The following PTPN9 variants were observed in gnomAD, a reference collection of about 807,000 sequenced individuals.
PTPN9 encodes the protein tyrosine-protein phosphatase non-receptor type 9.
A neutral mutation model predicts 69.8 loss-of-function variants in PTPN9; 26 were observed. The ratio of observed to expected loss-of-function variants is 0.37; its 90% confidence interval spans 0.27 to 0.52. PTPN9 has a LOEUF of 0.52. PTPN9 is among the 20% of genes least tolerant of loss of function. PTPN9 has a pLI of 0.91. For missense variants in PTPN9, 549 were observed against 740.3 expected (o/e 0.74, Z 3.00); for synonymous variants, 274 against 272.5 (o/e 1.01, Z -0.05).
chr15:75,521,995 T>C (rs1274201527), intron 4 of PTPN9, among the ~76,000 whole-genome samples: 2 of 152,138 alleles, frequency 1.3e-5, no homozygotes, highest in Non-Finnish European at 2.9e-5. Context: ...CATGAATCAA[T>C]GCGCCTGGCC....
At chr15:75,489,032 G>A (rs757001003) in intron 8 of PTPN9, among the ~76,000 whole-genome samples, 7 of 151,682 alleles carry the variant, frequency 4.6e-5, no homozygotes, top group African/African-American at 9.7e-5. Flanking sequence ...AATATTAGCC[G>A]GGCGTGGTGG....
At chr15:75,473,105 T>A (rs2074577211) in intron 10 of PTPN9, among the ~76,000 whole-genome samples, 1 of 152,182 alleles carries the variant, frequency 6.6e-6, no homozygotes, top group Admixed American at 6.5e-5. Context: ...GGCCAGGACC[T>A]CAAAATAGGG....
intron 1 of PTPN9, among the ~76,000 whole-genome samples, chr15:75,528,034 G>A (rs554115910): frequency 2.0e-5 from 3 of 152,166 alleles, no homozygotes; most frequent in Non-Finnish European, 2.9e-5. Context: ...TTTGAGGCCA[G>A]TAAAATTATT....
intron 1 of PTPN9, among the ~76,000 whole-genome samples, chr15:75,556,459 C>T (rs894650037): frequency 6.6e-6 from 1 of 151,952 alleles, no homozygotes; most frequent in Non-Finnish European, 1.5e-5. Context: ...CTCACTGCAA[C>T]CTCCGCCTCC....
intron 7 of PTPN9, among the ~76,000 whole-genome samples, chr15:75,493,727 C>T (rs1282288342): frequency 1.3e-5 from 2 of 151,734 alleles, no homozygotes; most frequent in African/African-American, 2.4e-5. Context: ...CGCCACTGTA[C>T]TCCAGCCTGG....
chr15:75,574,412 G>C (rs2141347178), intron 1 of PTPN9, among the ~76,000 whole-genome samples: 1 of 152,284 alleles, frequency 6.6e-6, no homozygotes, highest in South Asian at 2.1e-4. Flanking sequence ...CTGGATTCTG[G>C]AATATGGATG....
chr15:75,564,456 C>T (rs1040121172), intron 1 of PTPN9, among the ~76,000 whole-genome samples: 8 of 151,656 alleles, frequency 5.3e-5, no homozygotes, highest in African/African-American at 1.5e-4. Flanking sequence ...ATTAGCCAGG[C>T]GTGGTAGCGG....
intron 7 of PTPN9, among the ~76,000 whole-genome samples, chr15:75,499,708 C>G (rs1195153804): frequency 1.3e-5 from 2 of 151,844 alleles, no homozygotes; most frequent in African/African-American, 4.8e-5. Context: ...CCAGCCAAAC[C>G]CACTTTTTTA....
At chr15:75,524,966 G>A (rs2074921262) in intron 2 of PTPN9, among the ~76,000 whole-genome samples, 1 of 151,906 alleles carries the variant, frequency 6.6e-6, no homozygotes, top group African/African-American at 2.4e-5. Flanking sequence ...TAACCCTGAA[G>A]AGTAACCAGT....
intron 1 of PTPN9, among the ~76,000 whole-genome samples, chr15:75,551,969 G>T (rs1401310877): frequency 6.6e-6 from 1 of 151,022 alleles, no homozygotes; most frequent in East Asian, 2.0e-4. Flanking sequence ...AACTGCCTGG[G>T]AGGTGGAGGT....
intron 1 of PTPN9, among the ~76,000 whole-genome samples, chr15:75,571,396 CAT>C (rs1242444075): frequency 6.6e-6 from 1 of 151,986 alleles, no homozygotes; most frequent in Non-Finnish European, 1.5e-5. Flanking sequence ...GTCTAAATAA[CAT>C]AAACTTTAAG....
In PTPN9 at chr15:75,466,315, C is replaced by T. The variant is rs958459170; in HGVS notation, c.*2454G>A. On this transcript the variant is annotated 3_prime_UTR_variant, in exon 13 of 13. Coordinates refer to ENST00000618819, the MANE Select transcript of PTPN9 (RefSeq NM_002833.4). ...CTGCTATGACTATTATTAAGAACAC[C>T]CCAATATTTCCCAGCCACAACTGCC... is the stretch of plus-strand genomic sequence containing the variant. 3 of 152,134 alleles carry T rather than the reference C, an allele frequency of 2.0e-5. No homozygotes were observed. The highest frequency in any genetic ancestry group is 1.3e-4 in the Admixed American group (2 of 15,270). 9.4% of individuals were successfully genotyped at this position (152,134 alleles called of 1,614,324 possible).
intron 3 of PTPN9, 35 bp downstream of exon 3, chr15:75,524,174 A>C (rs771730821): frequency 7.7e-7 from 1 of 1,296,636 alleles, no homozygotes. Context: ...AAAGGAAGTA[A>C]TAAGGCCCTA....
chr15:75,566,322 T>C (rs778358914), intron 1 of PTPN9, among the ~76,000 whole-genome samples: 1 of 152,210 alleles, frequency 6.6e-6, no homozygotes, highest in African/African-American at 2.4e-5. Flanking sequence ...CAGCATTTAA[T>C]AGCATAATCT....
chr15:75,500,340 T>TAC (rs1298344294), intron 7 of PTPN9, among the ~76,000 whole-genome samples: 5 of 134,474 alleles, frequency 3.7e-5, no homozygotes, highest in East Asian at 2.1e-4. Context: ...TAAACAAACA[T>TAC]ACATACACAC....
At chr15:75,556,568 G>A (rs1472178670) in intron 1 of PTPN9, among the ~76,000 whole-genome samples, 3 of 151,776 alleles carry the variant, frequency 2.0e-5, no homozygotes, top group Non-Finnish European at 4.4e-5. Context: ...TGTAGAGACA[G>A]AGTTTTGCCA....
intron 1 of PTPN9, among the ~76,000 whole-genome samples, chr15:75,547,751 G>A (rs1427856994): frequency 2.7e-5 from 4 of 150,530 alleles, no homozygotes; most frequent in Admixed American, 6.6e-5. Flanking sequence ...CTGCAACCTC[G>A]GCCTCCTGGG....
intron 1 of PTPN9, among the ~76,000 whole-genome samples, chr15:75,556,058 A>AG (rs2075075576): frequency 2.0e-5 from 3 of 150,364 alleles, no homozygotes; most frequent in Non-Finnish European, 3.0e-5. Flanking sequence ...AAAAAAAAAA[A>AG]AGAGAGAGAG....
rs1308377743 is a variant in PTPN9, at chr15:75,490,397, T to G, written c.969-96A>C. The stretch of plus-strand genomic sequence containing the variant: ...CATGCTAAAGGGGTGTCAATTACTC[T>G]TAGGGGTGGAGACATGGAAGCTTTT... On this transcript the variant is annotated intron_variant, in intron 7 of 12. Transcript: ENST00000618819. The G allele has an allele frequency of 8.5e-6, 7 of 825,288 alleles. No homozygotes were observed. The East Asian group carries it at 1.7e-4, about 20-fold the overall frequency. The allele number at this position is 825,288 out of a possible 1,614,324, so 51.1% of individuals were successfully genotyped here. A position where few individuals can be genotyped will look rare whatever the true frequency, so the allele number is the denominator to read the frequency against.
Sources: gnomAD v4.1 joint callset for allele counts (sites outside exome capture counted in the v4.1 genomes callset) on GRCh38, gnomAD v4.1.1 for gene constraint, MANE v1.5 for transcripts, NCBI Gene and HGNC (gene_info 2026-07-23, HGNC 2026-07-21) for gene names.